GRAMD1C: variants seen among roughly 807,000 people sequenced by gnomAD.
The protein encoded by GRAMD1C is GRAM domain containing 1C, also known as protein Aster-C.
Under a neutral mutation model 97.8 loss-of-function variants are expected in GRAMD1C, and 89 were observed. That is an observed-to-expected ratio of 0.91 (90% CI 0.77 to 1.09). GRAMD1C has a LOEUF of 1.09. GRAMD1C is among the 50% of genes least tolerant of loss of function. The pLI is 0.00. For synonymous variants in GRAMD1C, 256 were observed against 267.0 expected, an observed-to-expected ratio of 0.96 and a Z score of 0.40; for missense variants, 740 against 766.4, an observed-to-expected ratio of 0.97 and a Z score of 0.41.
At chr3:113,939,859 G>A (rs771419246) in intron 15 of GRAMD1C, 27 bp from the exon 16 acceptor site, 2 of 1,206,650 alleles carry the variant, frequency 1.7e-6, no homozygotes, top group Admixed American at 1.7e-5. Flanking sequence ...GAAAAGTGTG[G>A]ATTAACATAT....
intron 10 of GRAMD1C, 71 bp downstream of exon 10, chr3:113,915,909 A>G: frequency 8.5e-7 from 1 of 1,180,214 alleles, no homozygotes; most frequent in Non-Finnish European, 1.2e-6. Flanking sequence ...TTGAGCATAT[A>G]TAAACTGATT....
At chr3:113,863,815 C>G (rs1435574533) in intron 2 of GRAMD1C, among the ~76,000 whole-genome samples, 1 of 152,084 alleles carries the variant, frequency 6.6e-6, no homozygotes, top group Non-Finnish European at 1.5e-5. Flanking sequence ...CTTTTGGGGT[C>G]CCACTGGTAG....
chr3:113,917,675 A>C (rs1275837649), intron 10 of GRAMD1C, among the ~76,000 whole-genome samples: 2 of 149,714 alleles, frequency 1.3e-5, no homozygotes, highest in Non-Finnish European at 3.0e-5. Context: ...TTATTCCTTT[A>C]TTTGAAACTT....
chr3:113,927,767 A>G (rs1022674371), intron 10 of GRAMD1C, among the ~76,000 whole-genome samples: 3 of 152,202 alleles, frequency 2.0e-5, no homozygotes, highest in Non-Finnish European at 4.4e-5. Flanking sequence ...TGTGGCTGCC[A>G]GCTGAGTTCA....
chr3:113,904,856 G>A (rs1161524796), intron 8 of GRAMD1C, among the ~76,000 whole-genome samples: 1 of 152,020 alleles, frequency 6.6e-6, no homozygotes, highest in African/African-American at 2.4e-5. Flanking sequence ...GGTTTTTTGA[G>A]ATGAGTCTCG....
In GRAMD1C at chr3:113,947,002, CAA is replaced by C. The variant is rs1296351036; in HGVS notation, c.*1525_*1526del. 2.0e-5 allele frequency: 3 copies of C among 152,148 alleles called. No homozygotes were observed. Among genetic ancestry groups the C allele is most frequent in the East Asian group, 1.9e-4 (1 of 5,200 alleles). 9.4% of individuals were successfully genotyped at this position (152,148 alleles called of 1,614,324 possible). ...TAAAGTCACAAAAATGATCGACAAA[CAA>C]TATTTTTGTGATGTTTATTTAAACG... On this transcript the variant is annotated 3_prime_UTR_variant, in exon 18 of 18. Transcript: ENST00000358160.
At chr3:113,856,172 G>A (rs2107343654) in intron 2 of GRAMD1C, among the ~76,000 whole-genome samples, 1 of 152,238 alleles carries the variant, frequency 6.6e-6, no homozygotes, top group Middle Eastern at 3.4e-3. Flanking sequence ...ACAGGTGTGA[G>A]CCACCCTGCC....
intron 9 of GRAMD1C, among the ~76,000 whole-genome samples, chr3:113,911,762 C>G (rs943776951): frequency 4.5e-5 from 3 of 65,948 alleles, no homozygotes; most frequent in Middle Eastern, 0.016. Context: ...GAGTCTTGCT[C>G]TGTCCCCTGA....
At chr3:113,889,486 C>T (rs886806033) in intron 6 of GRAMD1C, among the ~76,000 whole-genome samples, 3 of 152,218 alleles carry the variant, frequency 2.0e-5, no homozygotes, top group Non-Finnish European at 2.9e-5. Context: ...CTGAAATTAG[C>T]GGTGATGGTT....
intron 5 of GRAMD1C, among the ~76,000 whole-genome samples, chr3:113,881,008 A>C (rs1935236937): frequency 6.6e-6 from 1 of 152,168 alleles, no homozygotes. Flanking sequence ...CTATGACTAA[A>C]GGAAGGCTAA....
intron 2 of GRAMD1C, among the ~76,000 whole-genome samples, chr3:113,854,158 C>A (rs1355353305): frequency 1.3e-5 from 2 of 151,086 alleles, no homozygotes; most frequent in Admixed American, 6.6e-5. Context: ...TTTTTTGTAA[C>A]TGAGTTGGCG....
chr3:113,902,147 C>G (rs1476165288), intron 7 of GRAMD1C, among the ~76,000 whole-genome samples: 1 of 152,148 alleles, frequency 6.6e-6, no homozygotes, highest in Non-Finnish European at 1.5e-5. Flanking sequence ...TTTAGAAATT[C>G]TATAGCAAAT....
At chr3:113,839,410 C>A (rs1489533382) in intron 1 of GRAMD1C, among the ~76,000 whole-genome samples, 2 of 152,198 alleles carry the variant, frequency 1.3e-5, no homozygotes, top group Non-Finnish European at 2.9e-5. Flanking sequence ...AAACGGAAAG[C>A]GTGCTTATTA....
chr3:113,844,529 T>C lies in GRAMD1C; in HGVS notation c.54T>C (p.Leu18=), dbSNP rs1933525656. ...TGATGAATGAAGGGGATTCAAGCCT[T>C]GCCACCGACTTACAGGAAGATGTAG... ...RQVMNEGDSS[L]ATDLQEDVEE... The change falls in exon 2 of 18, where the codon CTT becomes CTC. Residue 18 remains leucine, a synonymous_variant. Coordinates refer to ENST00000358160, the MANE Select transcript of GRAMD1C (RefSeq NM_017577.5). 6.2e-7 allele frequency: 1 copy of C among 1,604,064 alleles called. No individual in the cohort carries two copies. Among genetic ancestry groups the C allele is most frequent in the Non-Finnish European group, 8.5e-7 (1 of 1,172,862 alleles).
At position 113,919,040 on chromosome 3, in the gene GRAMD1C, A is replaced by C. The variant is rs142901548; in HGVS notation, c.1090+3202A>C. Among the ~76,000 whole-genome samples the C allele has an allele frequency of 1.2e-4, 19 of 152,352 alleles. No homozygotes were observed. In the East Asian group the frequency reaches 3.7e-3, roughly 29 times the overall value. ...CAAAGGCTCCTTTTTAAAAATATTA[A>C]GAATTTAATGATTTTTTTAAATAAT... On this transcript the variant is annotated intron_variant, in intron 10 of 17. Coordinates refer to ENST00000358160, the MANE Select transcript of GRAMD1C (RefSeq NM_017577.5).
At position 113,860,791 on chromosome 3, in the gene GRAMD1C, G is replaced by A. The variant is rs542753590; in HGVS notation, c.175-8716G>A. 3.3e-5 allele frequency among the ~76,000 whole-genome samples: 5 copies of A among 151,886 alleles called. No individual in the cohort carries two copies. In the South Asian group the frequency reaches 6.2e-4, roughly 19 times the overall value. ...GACCAACCTGGCTAACATGGTGAAA[G>A]CTGTCTCTATTAAAAATATAAAAAA... On this transcript the variant is annotated intron_variant, in intron 2 of 17. Coordinates refer to ENST00000358160, the MANE Select transcript of GRAMD1C (RefSeq NM_017577.5).
intron 6 of GRAMD1C, among the ~76,000 whole-genome samples, chr3:113,893,852 C>T (rs1246124573): frequency 2.0e-5 from 3 of 152,000 alleles, no homozygotes; most frequent in Admixed American, 6.5e-5. Flanking sequence ...ATTTGGAGTC[C>T]AAATAATTAC....
chr3:113,898,683 T>C (rs1936030173), intron 6 of GRAMD1C, among the ~76,000 whole-genome samples: 1 of 152,144 alleles, frequency 6.6e-6, no homozygotes, highest in African/African-American at 2.4e-5. Context: ...TTGTTAGATA[T>C]ATATTATTTC....
chr3:113,836,157 A>C (rs1357979100), upstream of GRAMD1C, among the ~76,000 whole-genome samples: 10 of 152,048 alleles, frequency 6.6e-5, no homozygotes, highest in Non-Finnish European at 2.9e-5. Context: ...CCAGCTACTC[A>C]GGAGGCTGAG....
Sources: gnomAD v4.1 joint callset for allele counts (sites outside exome capture counted in the v4.1 genomes callset) on GRCh38, gnomAD v4.1.1 for gene constraint, MANE v1.5 for transcripts, NCBI Gene and HGNC (gene_info 2026-07-23, HGNC 2026-07-21) for gene names.